Variants in TCF12 observed in about 807,000 individuals in gnomAD.
TCF12 encodes DNA-binding protein HTF4.
TCF12 carries 45 observed loss-of-function variants against 86.0 expected under a neutral mutation model. That is an observed-to-expected ratio of 0.52 (90% confidence interval 0.41 to 0.67). TCF12 has a LOEUF of 0.67. TCF12 is among the 30% of genes least tolerant of loss of function. TCF12 has a pLI of 0.00. For missense variants in TCF12, 881 were observed against 859.9 expected (o/e 1.02, Z -0.31); for synonymous variants, 330 against 299.6 (o/e 1.10, Z -1.05).
chr15:57,241,838 C>T (rs1416007072), intron 12 of TCF12, among the ~76,000 whole-genome samples: 1 of 152,012 alleles, frequency 6.6e-6, no homozygotes, highest in Non-Finnish European at 1.5e-5. Flanking sequence ...ACTAAAAATA[C>T]AAAAATTAGC....
chr15:56,994,126 GAATGT>G (rs2063583017), intron 3 of TCF12, among the ~76,000 whole-genome samples: 1 of 152,130 alleles, frequency 6.6e-6, no homozygotes, highest in African/African-American at 2.4e-5. Flanking sequence ...GTCAATAGCA[GAATGT>G]AATGGCAGGA....
chr15:57,114,092 C>T (rs1386383058), intron 5 of TCF12, among the ~76,000 whole-genome samples: 2 of 152,128 alleles, frequency 1.3e-5, no homozygotes, highest in Non-Finnish European at 2.9e-5. Context: ...CATATATAAG[C>T]CTAACAACTA....
chr15:57,142,022 T>C (rs2053006069), intron 5 of TCF12, among the ~76,000 whole-genome samples: 1 of 152,192 alleles, frequency 6.6e-6, no homozygotes, highest in Admixed American at 6.5e-5. Context: ...TCCTTGGTTT[T>C]GTGCAGCACT....
At chr15:57,068,033 A>T (rs964075430) in intron 4 of TCF12, among the ~76,000 whole-genome samples, 1 of 151,828 alleles carries the variant, frequency 6.6e-6, no homozygotes, top group Non-Finnish European at 1.5e-5. Context: ...GACTTACTCT[A>T]GTTTCAGATT....
At chr15:57,062,039 C>T (rs2068496829) in intron 3 of TCF12, among the ~76,000 whole-genome samples, 2 of 152,058 alleles carry the variant, frequency 1.3e-5, no homozygotes, top group Non-Finnish European at 2.9e-5. Flanking sequence ...TCACTGCAAC[C>T]TCCACCTTCT....
chr15:56,937,138 T>C (rs1424347764), intron 3 of TCF12, among the ~76,000 whole-genome samples: 1 of 152,216 alleles, frequency 6.6e-6, no homozygotes, highest in Non-Finnish European at 1.5e-5. Context: ...GTGTCATCTG[T>C]GATTTATTTC....
intron 3 of TCF12, among the ~76,000 whole-genome samples, chr15:56,994,759 A>G (rs1371315894): frequency 1.3e-5 from 2 of 152,136 alleles, no homozygotes; most frequent in Non-Finnish European, 2.9e-5. Flanking sequence ...TTTTCCGGTA[A>G]AGGAAAAACT....
chr15:56,997,322 G>T (rs1393405848), intron 3 of TCF12, among the ~76,000 whole-genome samples: 2 of 152,206 alleles, frequency 1.3e-5, no homozygotes, highest in African/African-American at 4.8e-5. Context: ...GTCCTTTGCA[G>T]CAACATGGAT....
intron 4 of TCF12, among the ~76,000 whole-genome samples, chr15:57,077,909 G>A (rs560173390): frequency 6.6e-6 from 1 of 151,978 alleles, no homozygotes; most frequent in South Asian, 2.1e-4. Flanking sequence ...TGTTAACTAG[G>A]TACCAGAAAC....
intron 4 of TCF12, among the ~76,000 whole-genome samples, chr15:57,075,473 C>T (rs2069807519): frequency 6.6e-6 from 1 of 152,008 alleles, no homozygotes; most frequent in African/African-American, 2.4e-5. Context: ...AAACAAAAAT[C>T]ATCAGTTTAT....
chr15:57,191,872 C>T (rs956383411), intron 6 of TCF12, among the ~76,000 whole-genome samples: 10 of 150,706 alleles, frequency 6.6e-5, no homozygotes, highest in African/African-American at 2.2e-4. Context: ...AGGCAGAGGT[C>T]GCAGTGAGCT....
At chr15:57,282,301 GT>G (rs2061726720) in intron 19 of TCF12, 143 bp from the exon 20 acceptor site, 1 of 933,338 alleles carries the variant, frequency 1.1e-6, no homozygotes, top group Admixed American at 2.4e-5. Flanking sequence ...CAATGCTGAG[GT>G]TTTATGTGAG....
At chr15:57,234,879 C>T (rs976807642) in intron 12 of TCF12, among the ~76,000 whole-genome samples, 16 of 152,042 alleles carry the variant, frequency 1.1e-4, no homozygotes, top group African/African-American at 3.6e-4. Flanking sequence ...GAGTAGTATG[C>T]CTCTTAGAAT....
At chr15:56,957,268 G>A (rs906519339) in intron 3 of TCF12, among the ~76,000 whole-genome samples, 15 of 151,994 alleles carry the variant, frequency 9.9e-5, no homozygotes, top group Non-Finnish European at 2.1e-4. Flanking sequence ...GTTAGTTTAT[G>A]GTTACCAAAT....
At chr15:56,950,772 T>TAAGG (rs2061234492) in intron 3 of TCF12, among the ~76,000 whole-genome samples, 1 of 116,474 alleles carries the variant, frequency 8.6e-6, no homozygotes, top group African/African-American at 3.2e-5. Flanking sequence ...TTTTTTTTTT[T>TAAGG]TAAGTTAGAG....
chr15:57,073,142 T>C (rs983663809), intron 4 of TCF12, among the ~76,000 whole-genome samples: 3 of 152,220 alleles, frequency 2.0e-5, no homozygotes, highest in Non-Finnish European at 4.4e-5. Context: ...ATAACCTTCA[T>C]GTCAATTTCT....
intron 6 of TCF12, among the ~76,000 whole-genome samples, chr15:57,180,449 G>A (rs1374660537): frequency 2.6e-5 from 4 of 152,070 alleles, no homozygotes; most frequent in Admixed American, 6.5e-5. Context: ...GAAACACGTG[G>A]TACTATAGCA....
At chr15:57,136,016 C>T (rs560439290) in intron 5 of TCF12, among the ~76,000 whole-genome samples, 1 of 150,888 alleles carries the variant, frequency 6.6e-6, no homozygotes, top group South Asian at 2.1e-4. Context: ...TAATTTAGAT[C>T]TTCATTTATC....
rs1184422578 is a variant in TCF12 at position 57,208,380 on chromosome 15, CTTT to C, written c.579+10572_579+10574del. On this transcript the variant is annotated intron_variant, in intron 8 of 20. Transcript: ENST00000333725. ...ACCTTGTTCTTTGGACAAAAATATC[CTTT>C]TTTTTTTTTTTTTTTTGGAGACAGA... Among the ~76,000 whole-genome samples the C allele has an allele frequency of 5.7e-3, 373 of 65,578 alleles. 11 individuals carry two copies. Among genetic ancestry groups the C allele is most frequent in the Middle Eastern group, 0.037 (2 of 54 alleles). The allele number at this position is 65,578 out of a possible 152,430, so 43.0% of individuals were successfully genotyped here.
Sources: gnomAD v4.1 joint callset for allele counts (sites outside exome capture counted in the v4.1 genomes callset) on GRCh38, gnomAD v4.1.1 for gene constraint, MANE v1.5 for transcripts, NCBI Gene and HGNC (gene_info 2026-07-23, HGNC 2026-07-21) for gene names.